The following NKAIN2 variants were observed in gnomAD, a reference collection of about 807,000 sequenced individuals.
NKAIN2 encodes sodium/potassium transporting ATPase interacting 2.
NKAIN2 carries 14 observed loss-of-function variants against 32.6 expected under a neutral mutation model. That is an observed-to-expected ratio of 0.43 (90% CI 0.28 to 0.67). The LOEUF (loss-of-function observed/expected upper bound fraction) is 0.67, where lower values mean the gene tolerates loss of function less well. Ranked by LOEUF, NKAIN2 falls within the 30% of genes least tolerant of loss-of-function variation. The probability of loss-of-function intolerance (pLI) is 0.17; values close to 1 mark genes in which losing one functional copy is unlikely to be tolerated. For synonymous variants in NKAIN2, 80 were observed against 87.2 expected (o/e 0.92, Z 0.46); for missense variants, 198 against 258.3 (o/e 0.77, Z 1.60).
chr6:123,925,285 A>C (rs867544160), intron 1 of NKAIN2, among the ~76,000 whole-genome samples: 9 of 152,220 alleles, frequency 5.9e-5, no homozygotes, highest in Non-Finnish European at 1.3e-4. Flanking sequence ...GTGTATAAAT[A>C]ATTTCTATTC....
chr6:124,578,101 G>C (rs1781396740), intron 3 of NKAIN2, among the ~76,000 whole-genome samples: 1 of 151,030 alleles, frequency 6.6e-6, no homozygotes, highest in South Asian at 2.1e-4. Context: ...AAGACTCAGA[G>C]ACAAGCTGGC....
intron 3 of NKAIN2, among the ~76,000 whole-genome samples, chr6:124,428,828 T>G (rs1262581509): frequency 6.6e-6 from 1 of 152,126 alleles, no homozygotes; most frequent in East Asian, 1.9e-4. Context: ...CATCTCTAAG[T>G]ATGCATGTGT....
At chr6:124,206,070 AT>A (rs1479475289) in intron 1 of NKAIN2, among the ~76,000 whole-genome samples, 1 of 151,852 alleles carries the variant, frequency 6.6e-6, no homozygotes, top group Non-Finnish European at 1.5e-5. Flanking sequence ...TGAACTTACA[AT>A]TATTTCCCAA....
In NKAIN2 at chr6:124,288,055, G is replaced by A. The variant is rs80192878; in HGVS notation, c.192+4913G>A. Reference sequence around the variant, plus strand: ...AAAATAGCTGAAAATCTATTACTCAGATTTTATAGAGGATAGTATACTAAA... The same window carrying A: ...AAAATAGCTGAAAATCTATTACTCAAATTTTATAGAGGATAGTATACTAAA... On this transcript the variant is annotated intron_variant, in intron 2 of 6. Coordinates refer to ENST00000368417, the MANE Select transcript of NKAIN2 (RefSeq NM_001040214.3). 4.0e-3 allele frequency among the ~76,000 whole-genome samples: 601 copies of A among 151,918 alleles called. 2 individuals are homozygous for A. Among genetic ancestry groups the A allele is most frequent in the African/African-American group, 0.013 (531 of 41,448 alleles).
chr6:124,424,063 G>A (rs537575392), intron 3 of NKAIN2, among the ~76,000 whole-genome samples: 126 of 152,016 alleles, frequency 8.3e-4, no homozygotes, highest in African/African-American at 2.8e-3. Flanking sequence ...GCGCATTCTC[G>A]GCTCACTGCA....
At chr6:124,055,742 T>TA (rs1323877322) in intron 1 of NKAIN2, among the ~76,000 whole-genome samples, 1 of 151,948 alleles carries the variant, frequency 6.6e-6, no homozygotes, top group Admixed American at 6.6e-5. Context: ...AGATTGACTT[T>TA]AAAAAATCAC....
intron 1 of NKAIN2, among the ~76,000 whole-genome samples, chr6:124,218,334 T>G (rs1791600326): frequency 6.6e-6 from 1 of 152,202 alleles, no homozygotes; most frequent in African/African-American, 2.4e-5. Context: ...AAAACCTTTG[T>G]GTATTTTCAA....
At chr6:124,135,029 A>C (rs978228611) in intron 1 of NKAIN2, among the ~76,000 whole-genome samples, 4 of 152,180 alleles carry the variant, frequency 2.6e-5, no homozygotes, top group Non-Finnish European at 5.9e-5. Flanking sequence ...CAGTCAGCCA[A>C]GAATTTTGTA....
At chr6:124,330,516 C>G (rs944988825) in intron 2 of NKAIN2, among the ~76,000 whole-genome samples, 2 of 152,194 alleles carry the variant, frequency 1.3e-5, no homozygotes, top group Admixed American at 1.3e-4. Flanking sequence ...ACCTCCACAT[C>G]AACCAGTCAT....
rs78493732 is a variant in NKAIN2 at position 124,797,893 on chromosome 6, C to T, written c.535+6494C>T. On this transcript the variant is annotated intron_variant, in intron 5 of 6. Coordinates refer to ENST00000368417, the MANE Select transcript of NKAIN2 (RefSeq NM_001040214.3). ...TATAAAGGAATGCAGAAAGCATAGA[C>T]AATACAGATAAATAAAAAAAGGAAA... Among the ~76,000 whole-genome samples, 709 of 152,098 alleles carry T rather than the reference C, an allele frequency of 4.7e-3. 2 individuals carry two copies. Among genetic ancestry groups the T allele is most frequent in the Non-Finnish European group, 7.9e-3 (535 of 67,982 alleles).
At chr6:124,258,623 A>T (rs1350534320) in intron 1 of NKAIN2, among the ~76,000 whole-genome samples, 1 of 152,220 alleles carries the variant, frequency 6.6e-6, no homozygotes, top group Non-Finnish European at 1.5e-5. Flanking sequence ...CAAGTTACTT[A>T]ACCTCTCTGG....
chr6:124,111,778 G>A, intron 1 of NKAIN2, among the ~76,000 whole-genome samples: 1 of 150,968 alleles, frequency 6.6e-6, no homozygotes, highest in Middle Eastern at 3.4e-3. Context: ...TTTTGTTGGG[G>A]TTTTTTTTGG....
chr6:124,545,627 T>A (rs1468140464), intron 3 of NKAIN2, among the ~76,000 whole-genome samples: 2 of 151,444 alleles, frequency 1.3e-5, no homozygotes, highest in East Asian at 3.9e-4. Context: ...AGAAAGAATA[T>A]ATGTCTAGGA....
rs532824482 is a variant in NKAIN2, at chr6:123,902,661, TG to T, written c.54+98410del. ...GCAGAATTAATTTAACAACCCTGTT[TG>T]GGCATAATACATTCCAAAAAAATAT... On this transcript the variant is annotated intron_variant, in intron 1 of 6. Transcript: ENST00000368417. 4.6e-4 allele frequency among the ~76,000 whole-genome samples: 70 copies of T among 152,312 alleles called. 1 individual carries two copies. The highest frequency in any genetic ancestry group is 1.6e-3 in the African/African-American group (66 of 41,590).
intron 3 of NKAIN2, among the ~76,000 whole-genome samples, chr6:124,571,349 G>A (rs1014505619): frequency 3.9e-5 from 6 of 152,174 alleles, no homozygotes; most frequent in Non-Finnish European, 2.9e-5. Flanking sequence ...GGCCAGGCGT[G>A]GAATGATAAG....
chr6:124,138,326 C>CA (rs1786936741), intron 1 of NKAIN2, among the ~76,000 whole-genome samples: 1 of 151,924 alleles, frequency 6.6e-6, no homozygotes. Flanking sequence ...TTTTAAAAAT[C>CA]AAAAAATAAG....
chr6:124,366,152 T>C (rs957445509), intron 3 of NKAIN2, among the ~76,000 whole-genome samples: 2 of 152,098 alleles, frequency 1.3e-5, no homozygotes, highest in Non-Finnish European at 2.9e-5. Flanking sequence ...ACTCAATGCA[T>C]ATACAATAGG....
chr6:124,065,729 A>G (rs1783138912), intron 1 of NKAIN2, among the ~76,000 whole-genome samples: 1 of 152,174 alleles, frequency 6.6e-6, no homozygotes, highest in Non-Finnish European at 1.5e-5. Context: ...ACAAATGGAT[A>G]AGACAAACTG....
chr6:124,148,686 A>G (rs1423302172), intron 1 of NKAIN2, among the ~76,000 whole-genome samples: 2 of 152,200 alleles, frequency 1.3e-5, no homozygotes, highest in Non-Finnish European at 2.9e-5. Flanking sequence ...ATTTCCTTGT[A>G]TGAATGTGCC....
Sources: gnomAD v4.1 joint callset for allele counts (sites outside exome capture counted in the v4.1 genomes callset) on GRCh38, gnomAD v4.1.1 for gene constraint, MANE v1.5 for transcripts, NCBI Gene and HGNC (gene_info 2026-07-23, HGNC 2026-07-21) for gene names.